The following DOCK2 variants were observed in gnomAD, a reference collection of about 807,000 sequenced individuals.
DOCK2 encodes the protein dedicator of cytokinesis protein 2.
DOCK2 carries 87 observed loss-of-function variants against 248.9 expected under a neutral mutation model. The ratio of observed to expected loss-of-function variants is 0.35; its 90% CI spans 0.29 to 0.42. The LOEUF is 0.42. Ranked by LOEUF, DOCK2 falls within the 10% of genes least tolerant of loss-of-function variation. The probability of loss-of-function intolerance (pLI) is 1.00; values close to 1 mark genes in which losing one functional copy is unlikely to be tolerated. For synonymous variants in DOCK2, 805 were observed against 821.6 expected, an observed-to-expected ratio of 0.98 and a Z score of 0.35; for missense variants, 1,747 against 2,300.2, an observed-to-expected ratio of 0.76 and a Z score of 4.92.
At chr5:169,795,811 C>A (rs1766614020) in intron 25 of DOCK2, among the ~76,000 whole-genome samples, 1 of 152,144 alleles carries the variant, frequency 6.6e-6, no homozygotes, top group South Asian at 2.1e-4. Context: ...CACTGGTCAG[C>A]CCTGCCTGGG....
intron 26 of DOCK2, among the ~76,000 whole-genome samples, chr5:169,818,648 G>T (rs1768222400): frequency 6.6e-6 from 1 of 152,088 alleles, no homozygotes. Context: ...AGCCTTCTCT[G>T]GTGGTGACAG....
intron 33 of DOCK2, 110 bp downstream of exon 33, chr5:170,019,218 A>G: frequency 6.5e-7 from 1 of 1,527,674 alleles, no homozygotes; most frequent in Non-Finnish European, 8.9e-7. Context: ...GCTCGGCGGC[A>G]GGATAGGGAC....
intron 27 of DOCK2, among the ~76,000 whole-genome samples, chr5:169,851,867 C>T (rs1770632528): frequency 6.6e-6 from 1 of 152,142 alleles, no homozygotes; most frequent in South Asian, 2.1e-4. Context: ...AAACTACCCC[C>T]ATGATCCAAT....
At position 169,985,772 on chromosome 5, in the gene DOCK2, A is replaced by G. The variant is rs1016757560; in HGVS notation, c.2899-56A>G. Reference sequence around the variant, plus strand: ...TAGCAAAAAAATTTGAAGAGCCAACAAGCTCTGAGTTCCTGTAAAACAGGA... The same window carrying G: ...TAGCAAAAAAATTTGAAGAGCCAACGAGCTCTGAGTTCCTGTAAAACAGGA... On this transcript the variant is annotated intron_variant, in intron 28 of 51. Coordinates refer to ENST00000520908, the MANE Select transcript of DOCK2 (RefSeq NM_004946.3). The G allele has an allele frequency of 5.5e-6, 8 of 1,464,632 alleles. No individual in the cohort carries two copies. The Admixed American group carries it at 7.9e-5, about 14-fold the overall frequency. The allele number at this position is 1,464,632 out of a possible 1,614,324, so 90.7% of individuals were successfully genotyped here.
chr5:169,819,763 G>A (rs1581238037), intron 26 of DOCK2, among the ~76,000 whole-genome samples: 2 of 152,344 alleles, frequency 1.3e-5, no homozygotes, highest in East Asian at 3.9e-4. Flanking sequence ...GGACTTGTCG[G>A]ACAGTGAGTG....
At chr5:169,888,378 G>A (rs1773095584) in intron 27 of DOCK2, among the ~76,000 whole-genome samples, 1 of 152,156 alleles carries the variant, frequency 6.6e-6, no homozygotes, top group African/African-American at 2.4e-5. Flanking sequence ...CTGCCCTACG[G>A]CTGGAATTAT....
chr5:169,662,342 T>G (rs1758493100), intron 2 of DOCK2, among the ~76,000 whole-genome samples: 2 of 152,226 alleles, frequency 1.3e-5, no homozygotes, highest in African/African-American at 4.8e-5. Context: ...TATGAGTTCT[T>G]TATAAAATTT....
chr5:169,728,931 G>A (rs1311648292), intron 22 of DOCK2, among the ~76,000 whole-genome samples: 7 of 152,178 alleles, frequency 4.6e-5, no homozygotes, highest in Non-Finnish European at 1.0e-4. Context: ...AGGCTGTGGA[G>A]GACACAGATA....
At chr5:170,070,722 A>T (rs1394744169) in intron 46 of DOCK2, among the ~76,000 whole-genome samples, 1 of 152,150 alleles carries the variant, frequency 6.6e-6, no homozygotes, top group Non-Finnish European at 1.5e-5. Context: ...GTCACTCTGA[A>T]TCTATACAAT....
chr5:170,037,660 A>G (rs1581546361), intron 36 of DOCK2, among the ~76,000 whole-genome samples: 1 of 151,794 alleles, frequency 6.6e-6, no homozygotes, highest in Non-Finnish European at 1.5e-5. Context: ...CTAATTTTGT[A>G]TTTTTAGTAG....
rs114865142 is a variant in DOCK2, at chr5:170,065,565, G to A, written c.4468-1945G>A. On this transcript the variant is annotated intron_variant, in intron 44 of 51. Coordinates refer to ENST00000520908, the MANE Select transcript of DOCK2 (RefSeq NM_004946.3). The stretch of plus-strand genomic sequence containing the variant: ...ACTAGGCAACTTACAAAAGAAAGAC[G>A]TTTATTGGACTTACAGTTCTACATG... Among the ~76,000 whole-genome samples the A allele has an allele frequency of 6.4e-3, 981 of 152,296 alleles. 10 individuals are homozygous for A. Among genetic ancestry groups the A allele is most frequent in the African/African-American group, 0.023 (950 of 41,578 alleles).
chr5:169,927,639 C>T (rs1051155700), intron 27 of DOCK2, among the ~76,000 whole-genome samples: 7 of 152,212 alleles, frequency 4.6e-5, no homozygotes, highest in African/African-American at 7.2e-5. Flanking sequence ...TTTTTTGAGA[C>T]GGAGTCTCGC....
chr5:170,041,100 C>T lies in DOCK2; in HGVS notation c.3711C>T (p.Tyr1237=). 2 of 1,614,138 alleles carry T rather than the reference C, an allele frequency of 1.2e-6. No homozygotes were observed. The highest frequency in any genetic ancestry group is 1.7e-6 in the Non-Finnish European group (2 of 1,180,012). ...LRDLHLDCDN[Y]TEAAYTLLLH... ...ATCTTCACCTGGACTGTGACAATTA[C>T]ACAGAGGCTGCCTACACGCTCCTTC... The change falls in exon 37 of 52, where the codon TAC becomes TAT. Residue 1237 remains tyrosine, a synonymous_variant. Transcript: ENST00000520908.
At chr5:169,905,753 AG>A (rs1170972315) in intron 27 of DOCK2, among the ~76,000 whole-genome samples, 1 of 152,196 alleles carries the variant, frequency 6.6e-6, no homozygotes, top group East Asian at 1.9e-4. Flanking sequence ...CAAACCACCC[AG>A]GTGTGCAGGG....
intron 25 of DOCK2, among the ~76,000 whole-genome samples, chr5:169,784,426 C>A (rs1765877015): frequency 6.6e-6 from 1 of 152,166 alleles, no homozygotes; most frequent in Admixed American, 6.5e-5. Context: ...GGTCACACCA[C>A]AAGTTGGTGG....
chr5:169,903,990 G>A (rs1774121412), intron 27 of DOCK2, among the ~76,000 whole-genome samples: 1 of 151,656 alleles, frequency 6.6e-6, no homozygotes, highest in African/African-American at 2.4e-5. Flanking sequence ...TACTCGGGAG[G>A]GCTGAGGCAT....
chr5:169,907,424 T>G (rs923992444), intron 27 of DOCK2, among the ~76,000 whole-genome samples: 2 of 152,236 alleles, frequency 1.3e-5, no homozygotes, highest in African/African-American at 2.4e-5. Context: ...AAGTGGCTGA[T>G]AATTGGGCTC....
At chr5:170,061,546 C>T (rs1402722058) in intron 44 of DOCK2, among the ~76,000 whole-genome samples, 1 of 152,202 alleles carries the variant, frequency 6.6e-6, no homozygotes, top group Non-Finnish European at 1.5e-5. Flanking sequence ...GTGGGTTTAA[C>T]TTCTGAAATC....
At chr5:169,804,437 AGT>A (rs55660700) in intron 26 of DOCK2, among the ~76,000 whole-genome samples, 15,539 of 134,386 alleles carry the variant, frequency 0.12, 1,022 homozygotes, top group Admixed American at 0.15. Context: ...AGAGCTACAA[AGT>A]GTGTGTGTGT....
Sources: gnomAD v4.1 joint callset for allele counts (sites outside exome capture counted in the v4.1 genomes callset) on GRCh38, gnomAD v4.1.1 for gene constraint, MANE v1.5 for transcripts, NCBI Gene and HGNC (gene_info 2026-07-23, HGNC 2026-07-21) for gene names.